The following NKD1 variants were observed in gnomAD, a reference collection of about 807,000 sequenced individuals.
The protein encoded by NKD1 is protein naked cuticle homolog 1.
NKD1 carries 21 observed loss-of-function variants against 56.0 expected under a neutral mutation model. The ratio of observed to expected loss-of-function variants is 0.38; its 90% confidence interval spans 0.27 to 0.54. The LOEUF (loss-of-function observed/expected upper bound fraction) is 0.54, where lower values mean the gene tolerates loss of function less well. Ranked by LOEUF, NKD1 falls within the 20% of genes least tolerant of loss-of-function variation. NKD1 has a pLI of 0.82. For synonymous variants in NKD1, 263 were observed against 265.7 expected (o/e 0.99, Z 0.10); for missense variants, 578 against 642.7 (o/e 0.90, Z 1.09).
intron 3 of NKD1, among the ~76,000 whole-genome samples, chr16:50,561,381 T>C (rs2053215914): frequency 6.7e-6 from 1 of 148,564 alleles, no homozygotes; most frequent in Non-Finnish European, 1.5e-5. Flanking sequence ...GAAGGCTTTG[T>C]TTCTACTGCT....
Position 50,648,194 on chromosome 16 carries a change from C to T in NKD1, c.*14413C>T, listed in dbSNP as rs1205385958. 1 of 152,962 alleles carries T rather than the reference C, an allele frequency of 6.5e-6. No individual in the cohort carries two copies. Among genetic ancestry groups the T allele is most frequent in the East Asian group, 1.9e-4 (1 of 5,210 alleles). 9.5% of individuals were successfully genotyped at this position (152,962 alleles called of 1,614,324 possible). The stretch of plus-strand genomic sequence containing the variant: ...GAAATGCCACACCATGGAAGCCACA[C>T]ACTCTGCTGTCTCCTTCTGTCCTCA... On this transcript the variant is annotated 3_prime_UTR_variant, in exon 10 of 10. Coordinates refer to ENST00000268459, the MANE Select transcript of NKD1 (RefSeq NM_033119.5).
In NKD1 at chr16:50,552,855, C is replaced by T. The variant is rs117978974; in HGVS notation, c.192+3300C>T. Reference sequence around the variant, plus strand: ...GAATGCTAGAGGCTCTCTGCCTCCCCCACTGTCATGGCAGGCTCACTTGGA... The same window carrying T: ...GAATGCTAGAGGCTCTCTGCCTCCCTCACTGTCATGGCAGGCTCACTTGGA... On this transcript the variant is annotated intron_variant, in intron 3 of 9. Transcript: ENST00000268459. 3.7e-4 allele frequency among the ~76,000 whole-genome samples: 57 copies of T among 152,316 alleles called. No individual in the cohort carries two copies. In the East Asian group the frequency reaches 8.9e-3, roughly 24 times the overall value.
intron 3 of NKD1, chr16:50,607,220 CAA>C (rs528130248): frequency 2.9e-6 from 1 of 345,068 alleles, no homozygotes; most frequent in South Asian, 2.2e-5. Context: ...AAACAAAAAA[CAA>C]AAAAAAGCAA....
chr16:50,574,343 A>T, intron 3 of NKD1: 2 of 985,306 alleles, frequency 2.0e-6, no homozygotes, highest in Non-Finnish European at 2.4e-6. Context: ...GTGTCCTGGG[A>T]GGGCCTGTTT....
chr16:50,635,445 A>G lies in NKD1; in HGVS notation c.*1664A>G, dbSNP rs1047029269. ...GTGGAGAGTGAATCTAGGGAGACTC[A>G]AGAGGGAGAAGTGACTCCAGCTACC... On this transcript the variant is annotated 3_prime_UTR_variant, in exon 10 of 10. Transcript: ENST00000268459. This position sits in a 1 kb window ranked among gnomAD's most constrained non-coding sequence, Gnocchi z 4.1. 1 of 152,176 alleles carries G rather than the reference A, an allele frequency of 6.6e-6. No homozygotes were observed. The highest frequency in any genetic ancestry group is 1.5e-5 in the Non-Finnish European group (1 of 68,024). 9.4% of individuals were successfully genotyped at this position (152,176 alleles called of 1,614,324 possible).
chr16:50,630,849 G>A lies in NKD1; in HGVS notation c.634G>A (p.Ala212Thr). The A allele has an allele frequency of 1.2e-6, 2 of 1,606,500 alleles. No individual in the cohort carries two copies. The highest frequency in any genetic ancestry group is 1.3e-5 in the African/African-American group (1 of 74,958). ...AGACCTGCAGAGCGCAAGGCCCCGA[G>A]CAGAGACCAAGCCCACTGAGGACCT... The part of the protein sequence containing the change: ...QADLQSARPR[A>T]ETKPTEDLRS... Residue 212 changes from alanine to threonine, a missense_variant, in exon 8 of 10, where the codon GCA becomes ACA. By Grantham distance (58) the Ala-to-Thr change is moderately conservative. Coordinates refer to ENST00000268459, the MANE Select transcript of NKD1 (RefSeq NM_033119.5).
At chr16:50,621,780 G>C in intron 5 of NKD1, 72 bp downstream of exon 5, 1 of 1,136,324 alleles carries the variant, frequency 8.8e-7, no homozygotes, top group South Asian at 1.4e-5. Flanking sequence ...TTGGGAGGAG[G>C]GAAGCTGAGG....
At chr16:50,605,410 G>T (rs1386792031) in intron 3 of NKD1, among the ~76,000 whole-genome samples, 1 of 152,204 alleles carries the variant, frequency 6.6e-6, no homozygotes, top group Non-Finnish European at 1.5e-5. Flanking sequence ...CTTGAAAGAT[G>T]GAAAGACCAG....
At chr16:50,596,453 G>C (rs1001362646) in intron 3 of NKD1, among the ~76,000 whole-genome samples, 1 of 152,034 alleles carries the variant, frequency 6.6e-6, no homozygotes, top group Non-Finnish European at 1.5e-5. Context: ...AGACCATTGG[G>C]TGACCTGGAA....
At chr16:50,557,841 G>A (rs1386425002) in intron 3 of NKD1, 2 of 152,244 alleles carry the variant, frequency 1.3e-5, no homozygotes, top group African/African-American at 4.8e-5. Context: ...GGTTGGGGAG[G>A]GTTTTTTTGA....
At position 50,625,569 on chromosome 16, in the gene NKD1, G is replaced by A; in HGVS notation, c.451G>A (p.Val151Ile). The change falls in exon 6 of 10, where the codon GTC (valine) becomes ATC (isoleucine). Residue 151 changes from valine (V) to isoleucine (I), a missense_variant. Coordinates refer to ENST00000268459, the MANE Select transcript of NKD1 (RefSeq NM_033119.5). ...TLYDFDNNGK[V>I]TREDITSLLH... ...GTATGACTTTGACAACAACGGCAAGGTCACCCGAGAGGTGAGTGCACCTGC... is the reference window on the plus strand; with the variant it reads ...GTATGACTTTGACAACAACGGCAAGATCACCCGAGAGGTGAGTGCACCTGC... 1 of 1,612,102 alleles carries A rather than the reference G, an allele frequency of 6.2e-7. No individual in the cohort carries two copies. Among genetic ancestry groups the A allele is most frequent in the Non-Finnish European group, 8.5e-7 (1 of 1,178,206 alleles).
At chr16:50,600,771 G>A (rs1961579175) in intron 3 of NKD1, among the ~76,000 whole-genome samples, 1 of 152,146 alleles carries the variant, frequency 6.6e-6, no homozygotes, top group Admixed American at 6.5e-5. Flanking sequence ...TCTCAGGCCT[G>A]AGGGCTGGAG....
chr16:50,583,319 G>A (rs910727846), intron 3 of NKD1, among the ~76,000 whole-genome samples: 6 of 152,206 alleles, frequency 3.9e-5, no homozygotes, highest in African/African-American at 1.2e-4. Context: ...ACTTGGAGAG[G>A]TCACGTGGAG....
At chr16:50,619,171 G>A (rs1405217313) in intron 4 of NKD1, among the ~76,000 whole-genome samples, 4 of 152,156 alleles carry the variant, frequency 2.6e-5, no homozygotes, top group Admixed American at 2.0e-4. Context: ...ATGGAGCTGG[G>A]CTTTGTTTTT....
chr16:50,626,170 C>T (rs1329400681), intron 6 of NKD1, among the ~76,000 whole-genome samples: 1 of 152,234 alleles, frequency 6.6e-6, no homozygotes, highest in Non-Finnish European at 1.5e-5. Flanking sequence ...CTCTCTCGCT[C>T]AGGGCCCTCC....
intron 3 of NKD1, among the ~76,000 whole-genome samples, chr16:50,560,989 A>C (rs947930932): frequency 6.6e-6 from 1 of 152,132 alleles, no homozygotes; most frequent in Non-Finnish European, 1.5e-5. Flanking sequence ...CCCTGGCTCT[A>C]CTTCTCACTA....
At chr16:50,628,946 G>A (rs114963876) in intron 6 of NKD1, among the ~76,000 whole-genome samples, 1 of 145,790 alleles carries the variant, frequency 6.9e-6, no homozygotes, top group Non-Finnish European at 1.5e-5. Context: ...ACCTCTTCTA[G>A]TGTCTCTTCC....
intron 3 of NKD1, chr16:50,575,204 T>G (rs1489682171): frequency 1.0e-6 from 1 of 985,202 alleles, no homozygotes; most frequent in Non-Finnish European, 1.2e-6. Context: ...GGAAACTTGC[T>G]CAGATCAAGT....
At chr16:50,594,312 C>G (rs897777682) in intron 3 of NKD1, among the ~76,000 whole-genome samples, 4 of 152,236 alleles carry the variant, frequency 2.6e-5, no homozygotes, top group African/African-American at 9.6e-5. Context: ...GTTCCACCTG[C>G]TTTGTCTGAG....
Sources: allele counts gnomAD v4.1 joint callset (sites outside exome capture counted in the v4.1 genomes callset), GRCh38; gene constraint gnomAD v4.1.1; non-coding constraint Gnocchi (gnomAD v3.1); transcripts MANE v1.5; gene names NCBI Gene and HGNC (gene_info 2026-07-23, HGNC 2026-07-21).